Variants in RNF212B observed in about 807,000 individuals in gnomAD.
RNF212B encodes E3 ubiquitin-protein ligase RNF212B.
Under a neutral mutation model 55.5 loss-of-function variants are expected in RNF212B, and 52 were observed. The observed-to-expected ratio is 0.94, with a 90% CI of 0.75 to 1.18. The LOEUF (loss-of-function observed/expected upper bound fraction) is 1.18, where lower values mean the gene tolerates loss of function less well. Ranked by LOEUF, RNF212B falls within the 50% of genes most tolerant of loss-of-function variation. The pLI is 0.00. For synonymous variants in RNF212B, 99 were observed against 121.4 expected, an observed-to-expected ratio of 0.82 and a Z score of 1.21; for missense variants, 289 against 350.4, an observed-to-expected ratio of 0.82 and a Z score of 1.40.
rs536444442 is a variant in RNF212B at position 23,214,323 on chromosome 14, G to A, written c.-2+20922G>A. ...AGCCTGGCCAACATAGTGAAACCCC[G>A]TCTCTACTAAAAATACAAAAGTTAG... On this transcript the variant is annotated intron_variant, in intron 2 of 15. Coordinates refer to the RNF212B transcript ENST00000399910. 5.3e-5 allele frequency among the ~76,000 whole-genome samples: 8 copies of A among 151,908 alleles called. No homozygotes were observed. In the South Asian group the frequency reaches 6.2e-4, roughly 12 times the overall value.
chr14:23,224,881 T>C (rs2079674218), intron 2 of RNF212B, among the ~76,000 whole-genome samples: 1 of 152,246 alleles, frequency 6.6e-6, no homozygotes, highest in South Asian at 2.1e-4. Context: ...AACTAGACTA[T>C]ATAAGGAGCT....
chr14:23,260,551 C>A, intron 6 of RNF212B, 108 bp from the exon 7 acceptor site: 1 of 991,478 alleles, frequency 1.0e-6, no homozygotes, highest in Non-Finnish European at 1.6e-6. Flanking sequence ...GTCTTAGCAA[C>A]CATGACTAAG....
intron 11 of RNF212B, among the ~76,000 whole-genome samples, chr14:23,264,978 C>T (rs975101275): frequency 3.3e-5 from 5 of 152,030 alleles, no homozygotes; most frequent in African/African-American, 7.2e-5. Flanking sequence ...TGTGCCACCA[C>T]GCCTGGCTAA....
At chr14:23,254,227 G>C (rs1484498489) in intron 4 of RNF212B, among the ~76,000 whole-genome samples, 1 of 151,556 alleles carries the variant, frequency 6.6e-6, no homozygotes, top group Non-Finnish European at 1.5e-5. Context: ...TGAGCCTGCA[G>C]TGAACTGTGA....
At chr14:23,201,428 G>C (rs2140369506) in intron 2 of RNF212B, among the ~76,000 whole-genome samples, 1 of 152,252 alleles carries the variant, frequency 6.6e-6, no homozygotes, top group South Asian at 2.1e-4. Context: ...TATTGTTATT[G>C]ATAATGTACA....
chr14:23,231,921 C>A lies in RNF212B; in HGVS notation c.-1-8424C>A, dbSNP rs28404192. On this transcript the variant is annotated intron_variant, in intron 2 of 15. Coordinates refer to the RNF212B transcript ENST00000399910. ...CCTCCCGAGGTGCCGGGATTGCAGA[C>A]GGAGTCTCGTTCACTCAGTGCTCAA... Among the ~76,000 whole-genome samples the A allele has an allele frequency of 9.6e-3, 1,445 of 150,380 alleles. 31 individuals carry two copies. Among genetic ancestry groups the A allele is most frequent in the African/African-American group, 0.034 (1,380 of 40,480 alleles).
chr14:23,237,267 T>C, upstream of RNF212B, among the ~76,000 whole-genome samples: 1 of 152,018 alleles, frequency 6.6e-6, no homozygotes, highest in Non-Finnish European at 1.5e-5. Flanking sequence ...GTAGCTGAGA[T>C]TACAGGTGCG....
intron 8 of RNF212B, 56 bp from the exon 9 acceptor site, chr14:23,262,872 C>A: frequency 6.6e-7 from 1 of 1,515,496 alleles, no homozygotes; most frequent in African/African-American, 1.4e-5. Context: ...ATTGGCCAGG[C>A]AAGGCAGGCA....
intron 2 of RNF212B, among the ~76,000 whole-genome samples, chr14:23,207,387 A>G (rs1443438227): frequency 6.6e-6 from 1 of 152,250 alleles, no homozygotes; most frequent in Non-Finnish European, 1.5e-5. Context: ...CTCAAATTCC[A>G]TAAAGGAGTT....
chr14:23,253,455 C>T (rs1018642801), intron 4 of RNF212B, among the ~76,000 whole-genome samples: 3 of 151,996 alleles, frequency 2.0e-5, no homozygotes, highest in Non-Finnish European at 4.4e-5. Flanking sequence ...GGAGTCATTT[C>T]ATATGTTCCT....
At chr14:23,262,895 C>G in intron 8 of RNF212B, 33 bp from the exon 9 acceptor site, 1 of 1,549,050 alleles carries the variant, frequency 6.5e-7, no homozygotes, top group Non-Finnish European at 8.7e-7. Context: ...CCATTGATGG[C>G]AACTTTTTAT....
Position 23,244,365 on chromosome 14 carries a change from C to G in RNF212B, c.197C>G (p.Thr66Arg), listed in dbSNP as rs1883841855. Residue 66 changes from threonine to arginine, a missense_variant, in exon 4 of 15, where the codon ACA becomes AGA. By Grantham distance (71) the Thr-to-Arg change is moderately conservative (BLOSUM62 -1). Transcript: ENST00000430154. Reference protein sequence around the residue: ...EKMFFKSPVETALQYFSHISQ... With the variant: ...EKMFFKSPVERALQYFSHISQ... ...ATGTTTTTCAAAAGTCCTGTGGAGA[C>G]AGCTTTGCAGTATTTTAGTCACATC... 1 of 1,546,732 alleles carries G rather than the reference C, an allele frequency of 6.5e-7. No individual in the cohort carries two copies. The highest frequency in any genetic ancestry group is 8.7e-7 in the Non-Finnish European group (1 of 1,145,560).
chr14:23,272,548 T>G, intron 14 of RNF212B: 1 of 430,530 alleles, frequency 2.3e-6, no homozygotes, highest in Non-Finnish European at 4.2e-6. Flanking sequence ...CTGGGTGTGG[T>G]AGTCATATGT....
Position 23,263,576 on chromosome 14 carries a change from G to A in RNF212B, c.525-598G>A, listed in dbSNP as rs151083084. 5.7e-3 allele frequency among the ~76,000 whole-genome samples: 873 copies of A among 152,248 alleles called. 4 individuals carry two copies. Among genetic ancestry groups the A allele is most frequent in the Non-Finnish European group, 8.0e-3 (546 of 68,020 alleles). The stretch of plus-strand genomic sequence containing the variant: ...GAAAAGGAGAAGAGGACATAAAAAC[G>A]AATTTGTTTTTTCATACCACAAGGC... On this transcript the variant is annotated intron_variant, in intron 9 of 14. Transcript: ENST00000430154.
intron 11 of RNF212B, among the ~76,000 whole-genome samples, chr14:23,265,248 T>C (rs1885604293): frequency 6.6e-6 from 1 of 152,244 alleles, no homozygotes; most frequent in Non-Finnish European, 1.5e-5. Flanking sequence ...TAAAATTGAC[T>C]TGGATTTTTT....
At chr14:23,200,594 G>A (rs1247897016) in intron 2 of RNF212B, among the ~76,000 whole-genome samples, 1 of 152,100 alleles carries the variant, frequency 6.6e-6, no homozygotes, top group Non-Finnish European at 1.5e-5. Flanking sequence ...CCAAAGTGCT[G>A]GGATTACAGG....
chr14:23,216,845 A>G (rs1277153952), intron 2 of RNF212B, among the ~76,000 whole-genome samples: 1 of 123,388 alleles, frequency 8.1e-6, no homozygotes, highest in East Asian at 2.8e-4. Context: ...GCCCTACTGC[A>G]TCCTAGTGTG....
At chr14:23,209,434 C>T (rs1257938668) in intron 2 of RNF212B, among the ~76,000 whole-genome samples, 1 of 152,102 alleles carries the variant, frequency 6.6e-6, no homozygotes, top group Admixed American at 6.6e-5. Context: ...GGTTCACACA[C>T]CTCTGACAGT....
In RNF212B at chr14:23,264,113, A is replaced by C. The variant is rs547154139; in HGVS notation, c.525-61A>C. 140 of 1,368,200 alleles carry C rather than the reference A, an allele frequency of 1.0e-4. 1 individual carries two copies. The East Asian group carries it at 2.5e-3, about 24-fold the overall frequency. 84.8% of individuals were successfully genotyped at this position (1,368,200 alleles called of 1,614,324 possible). ...AAAAAAACCAAAACAAAAAAACAAC[A>C]ACAATAAAAAGTAAAACTAGGTTTT... On this transcript the variant is annotated intron_variant, in intron 9 of 14. Transcript: ENST00000430154.
Sources: allele counts gnomAD v4.1 joint callset (sites outside exome capture counted in the v4.1 genomes callset), GRCh38; gene constraint gnomAD v4.1.1; transcripts MANE v1.5; gene names NCBI Gene and HGNC (gene_info 2026-07-23, HGNC 2026-07-21).